The following EDAR variants were observed in gnomAD, a reference collection of about 807,000 sequenced individuals.
The protein encoded by EDAR is tumor necrosis factor receptor superfamily member EDAR.
Under a neutral mutation model 51.3 loss-of-function variants are expected in EDAR, and 38 were observed. The observed-to-expected ratio is 0.74, with a 90% CI of 0.57 to 0.97. EDAR has a LOEUF of 0.97. Among genes scored for constraint, EDAR ranks in the 50% least tolerant of loss-of-function variants. The pLI is 0.00. For synonymous variants in EDAR, 227 were observed against 242.1 expected, an observed-to-expected ratio of 0.94 and a Z score of 0.58; for missense variants, 528 against 595.0, an observed-to-expected ratio of 0.89 and a Z score of 1.17.
intron 10 of EDAR, among the ~76,000 whole-genome samples, chr2:108,907,246 C>A (rs1452451542): frequency 6.6e-6 from 1 of 152,224 alleles, no homozygotes; most frequent in African/African-American, 2.4e-5. Context: ...TTAGATAAAA[C>A]CCCGTATATT....
chr2:108,929,454 G>C, intron 3 of EDAR, 75 bp from the exon 4 acceptor site: 1 of 1,482,862 alleles, frequency 6.7e-7, no homozygotes, highest in Non-Finnish European at 9.4e-7. Flanking sequence ...CACAGTCCTT[G>C]GGCAGTGACG....
rs1442450660 is a variant in EDAR at position 108,978,105 on chromosome 2, C to T, written c.-19+10855G>A. 2.0e-5 allele frequency among the ~76,000 whole-genome samples: 3 copies of T among 152,166 alleles called. No homozygotes were observed. The East Asian group carries it at 5.8e-4, about 29-fold the overall frequency. On this transcript the variant is annotated intron_variant, in intron 1 of 11. Coordinates refer to ENST00000258443, the MANE Select transcript of EDAR (RefSeq NM_022336.4). ...AGGGAAGAGCCCAGGGTAGGAAGACCAGCAAAGGGCCCCAGAGGGCAAGGC... is the reference window on the plus strand; with the variant it reads ...AGGGAAGAGCCCAGGGTAGGAAGACTAGCAAAGGGCCCCAGAGGGCAAGGC...
rs80122576 is a variant in EDAR at position 108,897,663 on chromosome 2, A to G, written c.1025-434T>C. On this transcript the variant is annotated intron_variant, in intron 11 of 11. Transcript: ENST00000258443. The stretch of plus-strand genomic sequence containing the variant: ...GTCAACTTTGTGATGGCTGCTCTCA[A>G]TGATAGCCCCAGATTGGGGTTATCT... 1.4e-4 allele frequency among the ~76,000 whole-genome samples: 21 copies of G among 152,310 alleles called. No homozygotes were observed. The East Asian group carries it at 3.9e-3, about 28-fold the overall frequency.
intron 1 of EDAR, among the ~76,000 whole-genome samples, chr2:108,979,761 G>A (rs529935934): frequency 1.2e-3 from 185 of 152,278 alleles, no homozygotes; most frequent in African/African-American, 4.1e-3. Flanking sequence ...CCACTGAGGC[G>A]CATGTCACCA....
intron 1 of EDAR, among the ~76,000 whole-genome samples, chr2:108,939,863 T>C (rs1697557423): frequency 6.6e-6 from 1 of 152,188 alleles, no homozygotes; most frequent in South Asian, 2.1e-4. Context: ...CAGCCATTCC[T>C]GTTGGATCTG....
intron 4 of EDAR, among the ~76,000 whole-genome samples, chr2:108,923,843 T>C (rs571903325): frequency 6.9e-4 from 105 of 152,346 alleles, no homozygotes; most frequent in African/African-American, 2.4e-3. Flanking sequence ...AGGAGGAACA[T>C]GCCCTCTGTG....
chr2:108,937,126 G>C (rs1697487447), intron 1 of EDAR, among the ~76,000 whole-genome samples: 1 of 152,248 alleles, frequency 6.6e-6, no homozygotes, highest in Non-Finnish European at 1.5e-5. Flanking sequence ...AAACAGAAGT[G>C]ACTGGCAACA....
chr2:108,934,676 A>C (rs1438392322), intron 1 of EDAR, among the ~76,000 whole-genome samples: 1 of 152,116 alleles, frequency 6.6e-6, no homozygotes, highest in Non-Finnish European at 1.5e-5. Flanking sequence ...GTGATAAGAG[A>C]GTGCAAGCAG....
At chr2:108,909,050 G>A (rs1696864460) in intron 9 of EDAR, among the ~76,000 whole-genome samples, 1 of 152,192 alleles carries the variant, frequency 6.6e-6, no homozygotes, top group African/African-American at 2.4e-5. Context: ...AAACAGCAGG[G>A]ACAAAAGCTC....
At chr2:108,985,382 T>C (rs1005274904) in intron 1 of EDAR, among the ~76,000 whole-genome samples, 3 of 152,220 alleles carry the variant, frequency 2.0e-5, no homozygotes, top group Non-Finnish European at 4.4e-5. Flanking sequence ...GTAGGTCTGA[T>C]TGACCGTGAA....
chr2:108,981,245 C>T (rs916719214), intron 1 of EDAR, among the ~76,000 whole-genome samples: 1 of 152,176 alleles, frequency 6.6e-6, no homozygotes, highest in Non-Finnish European at 1.5e-5. Flanking sequence ...CCTGTGTCCA[C>T]CTGAGGCTGG....
In EDAR at chr2:108,966,152, C is replaced by G. The variant is rs545142390; in HGVS notation, c.-19+22808G>C. On this transcript the variant is annotated intron_variant, in intron 1 of 11. Coordinates refer to ENST00000258443, the MANE Select transcript of EDAR (RefSeq NM_022336.4). ...TGTTTTGATAAGACCAACTTTGAAG[C>G]AAGCCTCTCCTCCTGGTCTTTTATT... Among the ~76,000 whole-genome samples, 25 of 152,232 alleles carry G rather than the reference C, an allele frequency of 1.6e-4. 1 individual carries two copies. The South Asian group carries it at 5.0e-3, about 30-fold the overall frequency.
intron 1 of EDAR, among the ~76,000 whole-genome samples, chr2:108,963,299 T>C (rs1698088797): frequency 6.6e-6 from 1 of 152,232 alleles, no homozygotes. Flanking sequence ...AAACTGTTCA[T>C]AGCAACTATG....
intron 1 of EDAR, among the ~76,000 whole-genome samples, chr2:108,938,489 C>T (rs1437119830): frequency 2.0e-5 from 3 of 152,216 alleles, no homozygotes; most frequent in Non-Finnish European, 2.9e-5. Flanking sequence ...GGATTGCTCA[C>T]GAAAATAACG....
In EDAR at chr2:108,962,122, AG is replaced by A. The variant is rs543166128; in HGVS notation, c.-19+26837del. 2.0e-4 allele frequency among the ~76,000 whole-genome samples: 30 copies of A among 152,314 alleles called. No homozygotes were observed. The South Asian group carries it at 6.0e-3, about 31-fold the overall frequency. ...TCCAAGTGAGACTGTGAACTCTGGT[AG>A]GGTAGCATGTGGCGCCCTGTCTAGG... On this transcript the variant is annotated intron_variant, in intron 1 of 11. Coordinates refer to ENST00000258443, the MANE Select transcript of EDAR (RefSeq NM_022336.4).
rs115742952 is a variant in EDAR, at chr2:108,957,721, G to T, written c.-18-26689C>A. On this transcript the variant is annotated intron_variant, in intron 1 of 11. Transcript: ENST00000258443. ...CCGGGCCTACCAGGCGAGGCTAGTG[G>T]AGGTGAGAAGCCTCACAATCCATGT... Among the ~76,000 whole-genome samples, 1,050 of 152,350 alleles carry T rather than the reference G, an allele frequency of 6.9e-3. 10 individuals carry two copies. Among genetic ancestry groups the T allele is most frequent in the African/African-American group, 0.023 (961 of 41,588 alleles).
chr2:108,936,587 C>T (rs987864052), intron 1 of EDAR, among the ~76,000 whole-genome samples: 1 of 152,162 alleles, frequency 6.6e-6, no homozygotes, highest in Non-Finnish European at 1.5e-5. Flanking sequence ...CCACACCCAG[C>T]AGGATTCAGT....
chr2:108,966,633 T>G (rs976355887), intron 1 of EDAR, among the ~76,000 whole-genome samples: 1 of 152,226 alleles, frequency 6.6e-6, no homozygotes, highest in Admixed American at 6.5e-5. Context: ...GAAACCCTAC[T>G]GTCTTCAGGA....
At chr2:108,917,689 G>A (rs1697052935) in intron 5 of EDAR, among the ~76,000 whole-genome samples, 1 of 152,120 alleles carries the variant, frequency 6.6e-6, no homozygotes, top group Non-Finnish European at 1.5e-5. Context: ...ATCCCTGGCT[G>A]CAGGGCTGAC....
Sources: gnomAD v4.1 joint callset for allele counts (sites outside exome capture counted in the v4.1 genomes callset) on GRCh38, gnomAD v4.1.1 for gene constraint, MANE v1.5 for transcripts, NCBI Gene and HGNC (gene_info 2026-07-23, HGNC 2026-07-21) for gene names.